Variants in NCKAP5 observed in about 807,000 individuals in gnomAD.
The protein encoded by NCKAP5 is nck-associated protein 5.
Under a neutral mutation model 167.0 loss-of-function variants are expected in NCKAP5, and 92 were observed. That is an observed-to-expected ratio of 0.55 (90% CI 0.47 to 0.66). NCKAP5 has a LOEUF of 0.66. Ranked by LOEUF, NCKAP5 falls within the 30% of genes least tolerant of loss-of-function variation. The pLI, the probability that NCKAP5 is intolerant of heterozygous loss-of-function variation, is 0.00. For missense variants in NCKAP5, 2,378 were observed against 2,315.0 expected (o/e 1.03, Z -0.56); for synonymous variants, 891 against 877.4 (o/e 1.02, Z -0.27).
At chr2:133,377,847 G>C (rs187614627) in intron 3 of NCKAP5, among the ~76,000 whole-genome samples, 2 of 152,166 alleles carry the variant, frequency 1.3e-5, no homozygotes, top group Non-Finnish European at 2.9e-5. Flanking sequence ...AGCCATCTGA[G>C]GGCTAAGCCC....
At chr2:133,525,636 A>T (rs915747976) in intron 2 of NCKAP5, among the ~76,000 whole-genome samples, 4 of 152,232 alleles carry the variant, frequency 2.6e-5, no homozygotes, top group Non-Finnish European at 5.9e-5. Context: ...ATTGAGATAT[A>T]ATTCGTATAT....
At chr2:133,416,867 C>T (rs1447363533) in intron 3 of NCKAP5, among the ~76,000 whole-genome samples, 2 of 152,012 alleles carry the variant, frequency 1.3e-5, no homozygotes, top group African/African-American at 2.4e-5. Context: ...GCAACTTCCT[C>T]GAGGTTTGGA....
chr2:133,316,253 C>T (rs535439242), intron 3 of NCKAP5, among the ~76,000 whole-genome samples: 5 of 152,290 alleles, frequency 3.3e-5, no homozygotes, highest in South Asian at 4.1e-4. Flanking sequence ...ACCTATTCTA[C>T]CAAAGTGAAT....
At chr2:133,452,544 G>T (rs1407540022) in intron 3 of NCKAP5, among the ~76,000 whole-genome samples, 1 of 152,178 alleles carries the variant, frequency 6.6e-6, no homozygotes. Context: ...CATAGATGTA[G>T]GAAGGAGGCA....
intron 6 of NCKAP5, among the ~76,000 whole-genome samples, chr2:133,002,516 T>C (rs2149336038): frequency 6.6e-6 from 1 of 152,304 alleles, no homozygotes; most frequent in East Asian, 1.9e-4. Context: ...AAGTGAAACC[T>C]CAGAAAAGGG....
chr2:133,513,124 C>T (rs1036078400), intron 3 of NCKAP5, among the ~76,000 whole-genome samples: 1 of 152,160 alleles, frequency 6.6e-6, no homozygotes, highest in African/African-American at 2.4e-5. Flanking sequence ...GGACTGTTTA[C>T]TGAATTGTGG....
intron 6 of NCKAP5, among the ~76,000 whole-genome samples, chr2:133,032,510 T>C (rs901704540): frequency 6.6e-6 from 1 of 152,144 alleles, no homozygotes; most frequent in Admixed American, 6.5e-5. Context: ...ATGGCACTTA[T>C]GGACCCACCT....
chr2:133,447,531 C>T (rs367928828), intron 3 of NCKAP5, among the ~76,000 whole-genome samples: 32 of 143,086 alleles, frequency 2.2e-4, no homozygotes, highest in Middle Eastern at 3.5e-3. Flanking sequence ...CTTCCTTTCC[C>T]TTCCTTTCCC....
At chr2:133,042,548 C>T (rs951185846) in intron 6 of NCKAP5, among the ~76,000 whole-genome samples, 2 of 152,152 alleles carry the variant, frequency 1.3e-5, no homozygotes, top group Non-Finnish European at 2.9e-5. Context: ...GTAATTGTAT[C>T]TGACAAACTT....
chr2:133,114,564 T>C (rs1376722655), intron 6 of NCKAP5, among the ~76,000 whole-genome samples: 1 of 152,172 alleles, frequency 6.6e-6, no homozygotes, highest in Non-Finnish European at 1.5e-5. Flanking sequence ...TCCAACCATA[T>C]CTTCAGATTG....
chr2:133,220,657 G>A (rs955441574), intron 4 of NCKAP5, among the ~76,000 whole-genome samples: 2 of 152,100 alleles, frequency 1.3e-5, no homozygotes, highest in African/African-American at 4.8e-5. Context: ...GTAAAATTCA[G>A]AAAAGACCTG....
At chr2:133,207,521 A>G (rs927754162) in intron 5 of NCKAP5, among the ~76,000 whole-genome samples, 1 of 152,198 alleles carries the variant, frequency 6.6e-6, no homozygotes, top group African/African-American at 2.4e-5. Flanking sequence ...AACTCTGTCC[A>G]TTAACAGGAA....
chr2:133,042,531 A>G (rs1173165677), intron 6 of NCKAP5, among the ~76,000 whole-genome samples: 2 of 152,198 alleles, frequency 1.3e-5, no homozygotes, highest in African/African-American at 4.8e-5. Flanking sequence ...TAAAATATCT[A>G]TGATAGGTAA....
chr2:132,846,545 T>C (rs988174533), intron 11 of NCKAP5, among the ~76,000 whole-genome samples: 4 of 152,122 alleles, frequency 2.6e-5, no homozygotes, highest in African/African-American at 9.7e-5. Context: ...CCTCAGGTGA[T>C]CCACCTGCCT....
chr2:132,848,107 A>G (rs561172185), intron 11 of NCKAP5, among the ~76,000 whole-genome samples: 1 of 152,332 alleles, frequency 6.6e-6, no homozygotes, highest in South Asian at 2.1e-4. Flanking sequence ...CTGGTCAGAG[A>G]CCAGAAGCAA....
chr2:133,514,954 G>A (rs1174808129), intron 3 of NCKAP5, among the ~76,000 whole-genome samples: 1 of 151,908 alleles, frequency 6.6e-6, no homozygotes, highest in African/African-American at 2.4e-5. Context: ...AGCATGCATT[G>A]GGAATGAAAA....
intron 5 of NCKAP5, among the ~76,000 whole-genome samples, chr2:133,208,409 T>C (rs1218111623): frequency 1.3e-5 from 2 of 152,140 alleles, no homozygotes; most frequent in Non-Finnish European, 2.9e-5. Context: ...AAATGGCAAT[T>C]TAACTCATGG....
intron 3 of NCKAP5, among the ~76,000 whole-genome samples, chr2:133,468,205 A>G (rs180783887): frequency 0.052 from 7,191 of 138,766 alleles, 1,170 homozygotes; most frequent in Non-Finnish European, 0.071. Context: ...ATTCTGGTAT[A>G]TTGTGTCTTT....
rs1003851504 is a variant in NCKAP5 at position 133,568,334 on chromosome 2, C to G, written c.-248G>C. On this transcript the variant is annotated 5_prime_UTR_variant, in exon 1 of 20. The change abolishes an upstream ATG in the 5' untranslated region. Coordinates refer to ENST00000409261, the MANE Select transcript of NCKAP5 (RefSeq NM_207363.3). ...GGTTATCCTCTGTTTATTTTTGAAG[C>G]ATTCAAAGGCCACGCTAACAGAACA... is the stretch of plus-strand genomic sequence containing the variant. 2.6e-5 allele frequency: 4 copies of G among 152,166 alleles called. No homozygotes were observed. Among genetic ancestry groups the G allele is most frequent in the Admixed American group, 2.0e-4 (3 of 15,270 alleles). 9.4% of individuals were successfully genotyped at this position (152,166 alleles called of 1,614,324 possible).
Sources: gnomAD v4.1 joint callset for allele counts (sites outside exome capture counted in the v4.1 genomes callset) on GRCh38, gnomAD v4.1.1 for gene constraint, MANE v1.5 for transcripts, NCBI Gene and HGNC (gene_info 2026-07-23, HGNC 2026-07-21) for gene names.